SLC22A3: variants seen among roughly 807,000 people sequenced by gnomAD.
SLC22A3 encodes solute carrier family 22 member 3.
In SLC22A3, 51 loss-of-function variants were observed where a neutral mutation model predicts 59.1. That is an observed-to-expected ratio of 0.86 (90% CI 0.69 to 1.09). SLC22A3 has a LOEUF of 1.09. Ranked by LOEUF, SLC22A3 falls within the 50% of genes least tolerant of loss-of-function variation. The pLI is 0.00. For missense variants in SLC22A3, 711 were observed against 726.3 expected (o/e 0.98, Z 0.24); for synonymous variants, 325 against 292.0 (o/e 1.11, Z -1.15).
At chr6:160,394,837 C>T (rs1037436375) in intron 1 of SLC22A3, among the ~76,000 whole-genome samples, 1 of 152,154 alleles carries the variant, frequency 6.6e-6, no homozygotes, top group African/African-American at 2.4e-5. Context: ...ATCCCTTTGC[C>T]CCCATGTGGC....
At chr6:160,400,213 T>C (rs964901270) in intron 2 of SLC22A3, among the ~76,000 whole-genome samples, 13 of 149,412 alleles carry the variant, frequency 8.7e-5, no homozygotes, top group Non-Finnish European at 1.6e-4. Context: ...TATGCCAGAA[T>C]ATCGTTCTTA....
chr6:160,440,722 A>C (rs1294327070), intron 7 of SLC22A3, among the ~76,000 whole-genome samples: 6 of 152,164 alleles, frequency 3.9e-5, no homozygotes, highest in Admixed American at 3.3e-4. Flanking sequence ...TAGTTAATGA[A>C]CCATGCAATG....
At chr6:160,375,836 T>C (rs1583457388) in intron 1 of SLC22A3, among the ~76,000 whole-genome samples, 2 of 152,036 alleles carry the variant, frequency 1.3e-5, no homozygotes, top group African/African-American at 4.8e-5. Context: ...GTTCTCGGGG[T>C]TGAGAGGTAT....
chr6:160,394,520 A>G (rs1310113101), intron 1 of SLC22A3, among the ~76,000 whole-genome samples: 1 of 152,180 alleles, frequency 6.6e-6, no homozygotes, highest in Non-Finnish European at 1.5e-5. Flanking sequence ...AAGCCCTTCA[A>G]TCCTTGGGCC....
At chr6:160,418,017 A>G (rs1184779564) in intron 5 of SLC22A3, among the ~76,000 whole-genome samples, 1 of 152,224 alleles carries the variant, frequency 6.6e-6, no homozygotes, top group African/African-American at 2.4e-5. Context: ...ATTTATCAAT[A>G]GCTCTGATGG....
At chr6:160,348,965 T>C in intron 1 of SLC22A3, 117 bp downstream of exon 1, 1 of 1,524,284 alleles carries the variant, frequency 6.6e-7, no homozygotes, top group South Asian at 1.2e-5. Context: ...CGGGGACCGG[T>C]CGGCTACCTC....
intron 1 of SLC22A3, among the ~76,000 whole-genome samples, chr6:160,388,308 A>G (rs142920617): frequency 1.7e-3 from 261 of 152,356 alleles, no homozygotes; most frequent in African/African-American, 6.1e-3. Flanking sequence ...AGAAAAAAAA[A>G]TACAAACAAT....
chr6:160,394,598 AT>A (rs1358229382), intron 1 of SLC22A3, among the ~76,000 whole-genome samples: 1 of 152,198 alleles, frequency 6.6e-6, no homozygotes, highest in Non-Finnish European at 1.5e-5. Context: ...GAAACACATA[AT>A]TTGTTTGTTG....
chr6:160,445,060 G>T (rs929660119), intron 9 of SLC22A3, among the ~76,000 whole-genome samples: 2 of 152,372 alleles, frequency 1.3e-5, no homozygotes, highest in African/African-American at 2.4e-5. Flanking sequence ...CCACAGCCCA[G>T]TGGCAGGCAG....
chr6:160,450,237 C>T (rs370441284), intron 10 of SLC22A3, among the ~76,000 whole-genome samples: 1 of 152,098 alleles, frequency 6.6e-6, no homozygotes, highest in African/African-American at 2.4e-5. Context: ...ATAGACCTCC[C>T]CCTAGGAACG....
chr6:160,386,140 T>A (rs1245492783), intron 1 of SLC22A3, among the ~76,000 whole-genome samples: 1 of 152,224 alleles, frequency 6.6e-6, no homozygotes, highest in Non-Finnish European at 1.5e-5. Context: ...CTTCTGCCTG[T>A]GCACCTGTGC....
At position 160,451,161 on chromosome 6, in the gene SLC22A3, C is replaced by A; in HGVS notation, c.*105C>A. The A allele has an allele frequency of 9.9e-7, 1 of 1,011,340 alleles. No individual in the cohort carries two copies. Among genetic ancestry groups the A allele is most frequent in the Non-Finnish European group, 1.5e-6 (1 of 656,300 alleles). 62.6% of individuals were successfully genotyped at this position (1,011,340 alleles called of 1,614,324 possible). On this transcript the variant is annotated 3_prime_UTR_variant, in exon 11 of 11. Transcript: ENST00000275300. ...TGTGCATTTCAGCTACATCATGCCG[C>A]GCTGTTGTAATACTGTATAAAGACC...
intron 1 of SLC22A3, among the ~76,000 whole-genome samples, chr6:160,353,998 G>A (rs1784746612): frequency 6.6e-6 from 1 of 152,116 alleles, no homozygotes; most frequent in Non-Finnish European, 1.5e-5. Context: ...CCAGGGATGG[G>A]CAACTGATAA....
chr6:160,367,115 A>T (rs1331776701), intron 1 of SLC22A3, among the ~76,000 whole-genome samples: 4 of 152,184 alleles, frequency 2.6e-5, no homozygotes, highest in Admixed American at 2.6e-4. Flanking sequence ...AGATATAACC[A>T]ATACTGGGTA....
At chr6:160,406,555 C>T (rs1787020380) in intron 2 of SLC22A3, among the ~76,000 whole-genome samples, 1 of 152,194 alleles carries the variant, frequency 6.6e-6, no homozygotes, top group African/African-American at 2.4e-5. Context: ...CTCTCTACAA[C>T]CTCCCTCTAG....
chr6:160,427,800 T>A (rs1788016419), intron 5 of SLC22A3, among the ~76,000 whole-genome samples: 1 of 152,236 alleles, frequency 6.6e-6, no homozygotes, highest in Non-Finnish European at 1.5e-5. Flanking sequence ...ACACTCAATT[T>A]GCCTTTTCAT....
chr6:160,375,733 A>G (rs1785565290), intron 1 of SLC22A3, among the ~76,000 whole-genome samples: 1 of 152,230 alleles, frequency 6.6e-6, no homozygotes, highest in Non-Finnish European at 1.5e-5. Flanking sequence ...TTACCTAAGT[A>G]CAAGTGTTTT....
intron 5 of SLC22A3, among the ~76,000 whole-genome samples, chr6:160,411,661 G>A (rs184904410): frequency 2.5e-4 from 38 of 152,302 alleles, no homozygotes; most frequent in Non-Finnish European, 4.0e-4. Flanking sequence ...AGGATCATTT[G>A]AGCCCAGGAC....
intron 1 of SLC22A3, among the ~76,000 whole-genome samples, chr6:160,375,962 A>G (rs566907322): frequency 6.6e-6 from 1 of 152,282 alleles, no homozygotes; most frequent in East Asian, 1.9e-4. Context: ...AATGAGGATA[A>G]TAATCATGTC....
Sources: gnomAD v4.1 joint callset for allele counts (sites outside exome capture counted in the v4.1 genomes callset) on GRCh38, gnomAD v4.1.1 for gene constraint, MANE v1.5 for transcripts, NCBI Gene and HGNC (gene_info 2026-07-23, HGNC 2026-07-21) for gene names.